The following ROBO1 variants were observed in gnomAD, a reference collection of about 807,000 sequenced individuals.
ROBO1 encodes roundabout guidance receptor 1, also known as roundabout homolog 1.
ROBO1 carries 149 observed loss-of-function variants against 195.9 expected under a neutral mutation model. The ratio of observed to expected loss-of-function variants is 0.76; its 90% confidence interval spans 0.67 to 0.87. The LOEUF (loss-of-function observed/expected upper bound fraction) is 0.87. Ranked by LOEUF, ROBO1 falls within the 40% of genes least tolerant of loss-of-function variation. The pLI, the probability that ROBO1 is intolerant of heterozygous loss-of-function variation, is 0.00. For missense variants in ROBO1, 1,933 were observed against 2,068.3 expected (o/e 0.93, Z 1.27); for synonymous variants, 816 against 733.2 (o/e 1.11, Z -1.82).
At chr3:79,418,200 C>A (rs2038084788) in intron 2 of ROBO1, among the ~76,000 whole-genome samples, 1 of 152,122 alleles carries the variant, frequency 6.6e-6, no homozygotes, top group Admixed American at 6.6e-5. Flanking sequence ...CCTGCACTGG[C>A]ACTGGTGTGT....
At chr3:79,455,791 T>C (rs1461178225) in intron 2 of ROBO1, among the ~76,000 whole-genome samples, 1 of 152,146 alleles carries the variant, frequency 6.6e-6, no homozygotes, top group African/African-American at 2.4e-5. Flanking sequence ...ACTGATAAGT[T>C]GTAATTATTA....
At chr3:79,726,922 A>C (rs776577596) in intron 1 of ROBO1, among the ~76,000 whole-genome samples, 3 of 152,174 alleles carry the variant, frequency 2.0e-5, no homozygotes, top group Admixed American at 6.5e-5. Flanking sequence ...ACTTTGTGAC[A>C]CAGTGTAAGC....
intron 1 of ROBO1, among the ~76,000 whole-genome samples, chr3:79,693,497 C>G (rs1336151287): frequency 6.6e-6 from 1 of 151,500 alleles, no homozygotes; most frequent in African/African-American, 2.4e-5. Context: ...AGTTCAGTGG[C>G]ACGATCATAG....
At chr3:79,154,595 G>T (rs1335428998) in intron 2 of ROBO1, among the ~76,000 whole-genome samples, 2 of 151,572 alleles carry the variant, frequency 1.3e-5, no homozygotes, top group African/African-American at 4.8e-5. Context: ...ACTGTCCCTC[G>T]ATGCAGATAT....
At chr3:78,819,096 G>A (rs1156859167) in intron 4 of ROBO1, among the ~76,000 whole-genome samples, 4 of 152,100 alleles carry the variant, frequency 2.6e-5, no homozygotes, top group African/African-American at 9.7e-5. Flanking sequence ...TGGACAACAG[G>A]GGACTACAGT....
At chr3:78,882,452 T>C (rs922863962) in intron 4 of ROBO1, among the ~76,000 whole-genome samples, 3 of 152,184 alleles carry the variant, frequency 2.0e-5, no homozygotes, top group Non-Finnish European at 4.4e-5. Flanking sequence ...GTTCTCATCT[T>C]CGAGATCACA....
chr3:78,722,521 A>AT (rs1434506310), intron 5 of ROBO1, among the ~76,000 whole-genome samples: 1 of 152,168 alleles, frequency 6.6e-6, no homozygotes, highest in African/African-American at 2.4e-5. Context: ...TTTGCAAAAC[A>AT]TTTTTAGTGA....
chr3:79,518,715 T>C (rs1027240876), intron 2 of ROBO1, among the ~76,000 whole-genome samples: 6 of 151,998 alleles, frequency 3.9e-5, no homozygotes, highest in African/African-American at 1.4e-4. Flanking sequence ...AATTTTGCTC[T>C]TGTTGCCCAG....
intron 22 of ROBO1, among the ~76,000 whole-genome samples, chr3:78,638,928 A>G (rs2107551957): frequency 6.6e-6 from 1 of 152,172 alleles, no homozygotes; most frequent in South Asian, 2.1e-4. Flanking sequence ...ATACATTCTT[A>G]TCAACATAAA....
At chr3:79,344,312 TG>T (rs913305726) in intron 2 of ROBO1, among the ~76,000 whole-genome samples, 8 of 151,708 alleles carry the variant, frequency 5.3e-5, no homozygotes, top group African/African-American at 1.9e-4. Flanking sequence ...AAATTGGGGG[TG>T]GGGGAAAGCT....
chr3:79,075,678 A>G (rs2079160359), intron 3 of ROBO1, among the ~76,000 whole-genome samples: 1 of 151,906 alleles, frequency 6.6e-6, no homozygotes, highest in Non-Finnish European at 1.5e-5. Flanking sequence ...TCAACCTGGA[A>G]CACAATTTCA....
chr3:78,616,912 A>T (rs1404504556), intron 27 of ROBO1, among the ~76,000 whole-genome samples: 5 of 152,194 alleles, frequency 3.3e-5, no homozygotes, highest in Non-Finnish European at 7.4e-5. Flanking sequence ...GTTGTAACAT[A>T]AAGATGAATA....
chr3:78,946,969 C>T (rs1241997495), intron 3 of ROBO1, among the ~76,000 whole-genome samples: 2 of 152,154 alleles, frequency 1.3e-5, no homozygotes, highest in African/African-American at 4.8e-5. Flanking sequence ...ACAAGAAGAG[C>T]TAACTATCTT....
At chr3:78,673,308 G>A (rs1359489091) in intron 10 of ROBO1, among the ~76,000 whole-genome samples, 3 of 150,862 alleles carry the variant, frequency 2.0e-5, no homozygotes. Context: ...ATTAGTCACT[G>A]TAGCTCATTA....
At chr3:79,226,795 C>A (rs2082235379) in intron 2 of ROBO1, among the ~76,000 whole-genome samples, 1 of 152,146 alleles carries the variant, frequency 6.6e-6, no homozygotes, top group Admixed American at 6.5e-5. Flanking sequence ...AGTCCTCCCA[C>A]CTTGGCCTCC....
chr3:79,577,182 T>C (rs1397838791), intron 2 of ROBO1, among the ~76,000 whole-genome samples: 2 of 152,202 alleles, frequency 1.3e-5, no homozygotes, highest in African/African-American at 4.8e-5. Flanking sequence ...ACAAAAATAA[T>C]AGGAATATTA....
chr3:78,629,452 G>A (rs754204080), intron 25 of ROBO1, among the ~76,000 whole-genome samples: 280 of 152,276 alleles, frequency 1.8e-3, no homozygotes, highest in Admixed American at 4.0e-3. Flanking sequence ...AGCACTTTGG[G>A]AGGCTGAGGC....
intron 28 of ROBO1, among the ~76,000 whole-genome samples, chr3:78,612,230 T>A (rs1469374271): frequency 6.6e-6 from 1 of 152,130 alleles, no homozygotes; most frequent in Admixed American, 6.5e-5. Flanking sequence ...GTATTGACAA[T>A]AATCAAACTC....
In ROBO1 at chr3:78,657,200, C is replaced by A; in HGVS notation, c.2512G>T (p.Val838Phe). ...KTVDGSTFSV[V>F]IPFLVPGIRY... Reference sequence around the variant, plus strand: ...ATTCCAGGAACAAGAAAGGGAATGACCACGGAAAAGGTGGAACCATCCACT... The same window carrying A: ...ATTCCAGGAACAAGAAAGGGAATGAACACGGAAAAGGTGGAACCATCCACT... The change falls in exon 18 of 31, where the codon GTC (valine) becomes TTC (phenylalanine). Residue 838 changes from valine to phenylalanine, a missense_variant. Physicochemically the swap from Val to Phe is conservative, Grantham distance 50. Transcript: ENST00000464233. The A allele has an allele frequency of 6.2e-7, 1 of 1,613,490 alleles. No individual in the cohort carries two copies. Among genetic ancestry groups the A allele is most frequent in the Non-Finnish European group, 8.5e-7 (1 of 1,179,678 alleles).
Sources: allele counts gnomAD v4.1 joint callset (sites outside exome capture counted in the v4.1 genomes callset), GRCh38; gene constraint gnomAD v4.1.1; transcripts MANE v1.5; gene names NCBI Gene and HGNC (gene_info 2026-07-23, HGNC 2026-07-21).